ABCF3: variants seen among roughly 807,000 people sequenced by gnomAD.
ABCF3 encodes ATP-binding cassette sub-family F member 3.
In ABCF3, 62 loss-of-function variants were observed where a neutral mutation model predicts 94.3. The observed-to-expected ratio is 0.66, with a 90% CI of 0.54 to 0.81. The LOEUF (loss-of-function observed/expected upper bound fraction) is 0.81. Ranked by LOEUF, ABCF3 falls within the 40% of genes least tolerant of loss-of-function variation. The pLI is 0.00. For synonymous variants in ABCF3, 355 were observed against 361.1 expected (o/e 0.98, Z 0.19); for missense variants, 843 against 925.3 (o/e 0.91, Z 1.15).
Position 184,193,603 on chromosome 3 carries a change from G to A in ABCF3, c.2035G>A (p.Val679Ile). Residue 679 changes from valine (V) to isoleucine (I), a missense_variant, in exon 21 of 21, where the codon GTA becomes ATA. Coordinates refer to ENST00000429586, the MANE Select transcript of ABCF3 (RefSeq NM_018358.3). The surrounding 1 kb of genome is among the most constrained non-coding windows in gnomAD (Gnocchi z 5.2). ...FIRLVCRELW[V>I]CEGGGVTRVE... ...CAGGCTGGTGTGCCGGGAGTTGTGG[G>A]TATGCGAAGGAGGCGGCGTCACCCG... 1 of 1,614,206 alleles carries A rather than the reference G, an allele frequency of 6.2e-7. No individual in the cohort carries two copies. Among genetic ancestry groups the A allele is most frequent in the East Asian group, 2.2e-5 (1 of 44,884 alleles).
At position 184,193,442 on chromosome 3, in the gene ABCF3, A is replaced by G. The variant is rs1253393698; in HGVS notation, c.1961A>G (p.Asn654Ser). The change falls in exon 20 of 21, where the codon AAC becomes AGC. Residue 654 changes from asparagine to serine, a missense_variant. Physicochemically the swap from Asn to Ser is conservative, Grantham distance 46. Coordinates refer to ENST00000429586, the MANE Select transcript of ABCF3 (RefSeq NM_018358.3). The surrounding 1 kb of genome is among the most constrained non-coding windows in gnomAD (Gnocchi z 5.2). ...ATTGAGGCTCTGGGCCGTGCCCTCA[A>G]CAATTTCAGGGTGAGTGTGCCTTCA... ...ETIEALGRALNNFRGGVILVS... is the reference protein window; with the variant it reads ...ETIEALGRALSNFRGGVILVS... 3 of 1,613,958 alleles carry G rather than the reference A, an allele frequency of 1.9e-6. No homozygotes were observed. The highest frequency in any genetic ancestry group is 2.7e-5 in the African/African-American group (2 of 74,868).
At chr3:184,190,846 G>C (rs1577068698) in intron 14 of ABCF3, 153 bp from the exon 15 acceptor site, 2 of 876,206 alleles carry the variant, frequency 2.3e-6, no homozygotes, top group Non-Finnish European at 3.4e-6. Flanking sequence ...CTATTTTTTA[G>C]CATACAGTAA....
chr3:184,186,280 G>A lies in ABCF3; in HGVS notation c.73G>A (p.Gly25Ser), dbSNP rs1486238861. 8.1e-6 allele frequency: 13 copies of A among 1,614,214 alleles called. No individual in the cohort carries two copies. Among genetic ancestry groups the A allele is most frequent in the Non-Finnish European group, 1.1e-5 (13 of 1,180,032 alleles). ...IDGQVFDYVT[G>S]VLHSGSADFE... ...CGGACAAGTCTTCGACTACGTGACC[G>A]GTAAGCAGAACTGAATCGGCCGGCT... is the stretch of plus-strand genomic sequence containing the variant. The change falls in exon 1 of 21, where the codon GGC (glycine) becomes AGC (serine). Residue 25 changes from glycine to serine, a missense_variant and splice_region_variant. Gly to Ser is a moderately conservative substitution (Grantham distance 56, BLOSUM62 0). Coordinates refer to ENST00000429586, the MANE Select transcript of ABCF3 (RefSeq NM_018358.3).
chr3:184,187,235 T>C, intron 3 of ABCF3, 162 bp from the exon 4 acceptor site: 1 of 820,128 alleles, frequency 1.2e-6, no homozygotes, highest in Non-Finnish European at 2.0e-6. Flanking sequence ...TTTGTTTTGT[T>C]TTGTTTTGTT....
intron 14 of ABCF3, 45 bp downstream of exon 14, chr3:184,189,976 G>T (rs147305390): frequency 1.9e-5 from 30 of 1,602,678 alleles, no homozygotes; most frequent in Non-Finnish European, 2.3e-5. Context: ...TGTTCTCTTC[G>T]TCTCCTTCCG....
Position 184,186,213 on chromosome 3 carries a change from G to A in ABCF3, c.6G>A (p.Ala2=), listed in dbSNP as rs770539274. The part of the protein sequence containing the change: M[A]TCAEILRSEF... ...GACGGGTTCCTGAGTGGAACATGGCGACTTGCGCCGAAATCCTGCGGAGCG... is the reference window on the plus strand; with the variant it reads ...GACGGGTTCCTGAGTGGAACATGGCAACTTGCGCCGAAATCCTGCGGAGCG... The change falls in exon 1 of 21, where the codon GCG becomes GCA. Residue 2 remains alanine, a synonymous_variant. Transcript: ENST00000429586. 5.0e-6 allele frequency: 8 copies of A among 1,614,188 alleles called. No homozygotes were observed. The South Asian group carries it at 7.7e-5, about 16-fold the overall frequency.
chr3:184,193,104 C>T lies in ABCF3; in HGVS notation c.1753C>T (p.Arg585Trp), dbSNP rs373058650. Residue 585 changes from arginine to tryptophan, a missense_variant and splice_region_variant, in exon 19 of 21, where the codon CGG becomes TGG. Physicochemically the swap from Arg to Trp is moderately radical, Grantham distance 101. Coordinates refer to ENST00000429586, the MANE Select transcript of ABCF3 (RefSeq NM_018358.3). The surrounding 1 kb of genome is among the most constrained non-coding windows in gnomAD (Gnocchi z 5.2). ...VELLARKFPG[R>W]PEEEYRHQLG... ...TGATCTGGGGAGTCCTTTTCCAGGG[C>T]GGCCTGAGGAGGAGTACCGTCACCA... The T allele has an allele frequency of 6.5e-6, 10 of 1,535,076 alleles. No homozygotes were observed. In the East Asian group the frequency reaches 6.8e-5, roughly 10 times the overall value.
In ABCF3 at chr3:184,189,614, G is replaced by A. The variant is rs535145654; in HGVS notation, c.1171G>A (p.Ala391Thr). ...SHDRNFLNAI[A>T]TDIIHLHSQR... ...CGACCGCAACTTCTTGAATGCCATCGCCACAGACATCATCCACCTGCACAG... is the reference window on the plus strand; with the variant it reads ...CGACCGCAACTTCTTGAATGCCATCACCACAGACATCATCCACCTGCACAG... Residue 391 changes from alanine to threonine, a missense_variant, in exon 13 of 21, where the codon GCC (alanine) becomes ACC (threonine). By Grantham distance (58) the Ala-to-Thr change is moderately conservative. Transcript: ENST00000429586. The A allele has an allele frequency of 7.4e-6, 12 of 1,614,054 alleles. No homozygotes were observed. The highest frequency in any genetic ancestry group is 1.7e-5 in the Admixed American group (1 of 60,002).
intron 4 of ABCF3, 72 bp from the exon 5 acceptor site, chr3:184,187,592 C>T (rs1715720329): frequency 1.7e-5 from 27 of 1,577,690 alleles, no homozygotes; most frequent in South Asian, 1.1e-4. Flanking sequence ...AGGGTTTACT[C>T]GAGATGTTCT....
At chr3:184,191,763 T>TTTTTTTTTTTTTTTTTTTTTTTTTTC (rs1560136440) in intron 16 of ABCF3, among the ~76,000 whole-genome samples, 1 of 150,336 alleles carries the variant, frequency 6.7e-6, no homozygotes, top group Non-Finnish European at 1.5e-5. Context: ...TTTTTTTTTT[T>TTTTTTTTTTTTTTTTTTTTTTTTTTC]CGGAGACAGA....
Position 184,188,317 on chromosome 3 carries a change from C to T in ABCF3, c.746C>T (p.Pro249Leu), listed in dbSNP as rs752421986. Reference protein sequence around the residue: ...VEQEVAGDDTPALQSVLESDS... With the variant: ...VEQEVAGDDTLALQSVLESDS... ...CAAGAGGTTGCTGGAGATGACACTC[C>T]TGCCCTGCAGAGTGTGCTGGAGAGT... Residue 249 changes from proline to leucine, a missense_variant, in exon 7 of 21, where the codon CCT becomes CTT. Pro to Leu is a moderately conservative substitution (Grantham distance 98, BLOSUM62 -3). Coordinates refer to ENST00000429586, the MANE Select transcript of ABCF3 (RefSeq NM_018358.3). 1.2e-6 allele frequency: 2 copies of T among 1,614,004 alleles called. No individual in the cohort carries two copies. Among genetic ancestry groups the T allele is most frequent in the South Asian group, 2.2e-5 (2 of 91,092 alleles).
Position 184,186,496 on chromosome 3 carries a change from G to C in ABCF3, c.74-11G>C. 1 of 1,605,438 alleles carries C rather than the reference G, an allele frequency of 6.2e-7. No homozygotes were observed. The highest frequency in any genetic ancestry group is 8.5e-7 in the Non-Finnish European group (1 of 1,175,302). ...CCCGATACCTTCCTCGTTCTACCAC[G>C]CCCTGCCCAGGCGTCTTGCACAGCG... is the stretch of plus-strand genomic sequence containing the variant. On this transcript the variant is annotated splice_polypyrimidine_tract_variant and intron_variant, in intron 1 of 20. Transcript: ENST00000429586.
chr3:184,190,173 T>A (rs1577068191), intron 14 of ABCF3: 1 of 572,814 alleles, frequency 1.7e-6, no homozygotes, highest in East Asian at 2.9e-5. Flanking sequence ...TTCTGGGCAT[T>A]TCATATAAAT....
chr3:184,190,248 C>G, intron 14 of ABCF3: 1 of 411,640 alleles, frequency 2.4e-6, no homozygotes, highest in Middle Eastern at 7.0e-4. Flanking sequence ...GAGGCTCATC[C>G]ATATTGTAGC....
chr3:184,188,277 C>T lies in ABCF3; in HGVS notation c.706C>T (p.Leu236=), dbSNP rs762282860. Residue 236 remains leucine (L), a synonymous_variant, in exon 7 of 21, where the codon CTG becomes TTG. Transcript: ENST00000429586. ...TCTGCGGGTTCCAGCCCACATTTCC[C>T]TGCTGCACGTTGAGCAAGAGGTTGC... ...RSLRVPAHIS[L]LHVEQEVAGD... is the part of the protein sequence containing the mutation. The T allele has an allele frequency of 1.2e-5, 19 of 1,614,188 alleles. No individual in the cohort carries two copies. Among genetic ancestry groups the T allele is most frequent in the Non-Finnish European group, 1.6e-5 (19 of 1,180,048 alleles).
chr3:184,190,787 CAT>C (rs1715969273), intron 14 of ABCF3: 4 of 580,942 alleles, frequency 6.9e-6, no homozygotes, highest in South Asian at 4.3e-5. Flanking sequence ...GACGTGGAAA[CAT>C]ATCACAATAT....
At chr3:184,186,376 C>G in intron 1 of ABCF3, 96 bp downstream of exon 1, 1 of 1,591,504 alleles carries the variant, frequency 6.3e-7, no homozygotes, top group Admixed American at 1.7e-5. Context: ...CCAGGCCTCT[C>G]CTCTGCATGA....
rs1715770713 is a variant in ABCF3 at position 184,188,241 on chromosome 3, G to A, written c.670G>A (p.Ala224Thr). ...LGKTTLLKML[A>T]TRSLRVPAHI... ...GAAGACAACGTTACTGAAGATGCTG[G>A]CCACCCGGAGTCTGCGGGTTCCAGC... Residue 224 changes from alanine (A) to threonine (T), a missense_variant, in exon 7 of 21, where the codon GCC becomes ACC. Ala to Thr is a moderately conservative substitution (Grantham distance 58). Transcript: ENST00000429586. 6.2e-7 allele frequency: 1 copy of A among 1,614,148 alleles called. No individual in the cohort carries two copies. The highest frequency in any genetic ancestry group is 1.1e-5 in the South Asian group (1 of 91,090).
rs1438465802 is a variant in ABCF3, at chr3:184,193,740, C to T, written c.*42C>T. 6.5e-7 allele frequency: 1 copy of T among 1,531,356 alleles called. No homozygotes were observed. The highest frequency in any genetic ancestry group is 8.8e-7 in the Non-Finnish European group (1 of 1,136,284). The allele number at this position is 1,531,356 out of a possible 1,614,324, so 94.9% of individuals were successfully genotyped here. ...ACTCGCCCAGGACATGGACTGGTCT[C>T]TCAGACCCCTGGGCCACCATGTAGG... On this transcript the variant is annotated 3_prime_UTR_variant, in exon 21 of 21. Coordinates refer to ENST00000429586, the MANE Select transcript of ABCF3 (RefSeq NM_018358.3). The surrounding 1 kb of genome is among the most constrained non-coding windows in gnomAD (Gnocchi z 5.2).
Sources: allele counts gnomAD v4.1 joint callset (sites outside exome capture counted in the v4.1 genomes callset), GRCh38; gene constraint gnomAD v4.1.1; non-coding constraint Gnocchi (gnomAD v3.1); transcripts MANE v1.5; gene names NCBI Gene and HGNC (gene_info 2026-07-23, HGNC 2026-07-21).